The following EFNB2 variants were observed in gnomAD, a reference collection of about 807,000 sequenced individuals.
EFNB2 encodes the protein ephrin B2, also known as ephrin-B2.
In EFNB2, 5 loss-of-function variants were observed where a neutral mutation model predicts 32.1. That is an observed-to-expected ratio of 0.16 (90% CI 0.08 to 0.33). The LOEUF (loss-of-function observed/expected upper bound fraction) is 0.33, where lower values mean the gene tolerates loss of function less well. EFNB2 is among the 10% of genes least tolerant of loss of function. The pLI is 1.00. For synonymous variants in EFNB2, 168 were observed against 166.5 expected (o/e 1.01, Z -0.07); for missense variants, 263 against 422.6 (o/e 0.62, Z 3.31).
chr13:106,519,499 TAA>T (rs1284270539), intron 1 of EFNB2: 1 of 152,214 alleles, frequency 6.6e-6, no homozygotes, highest in Admixed American at 6.5e-5. Flanking sequence ...GCGAGATTCA[TAA>T]GTCAATTCGC....
chr13:106,492,258 CT>C lies in EFNB2; in HGVS notation c.*781del, dbSNP rs560945120. 1,037 of 152,838 alleles carry C rather than the reference CT, an allele frequency of 6.8e-3. 6 individuals are homozygous for C. Among genetic ancestry groups the C allele is most frequent in the Admixed American group, 9.9e-3 (152 of 15,308 alleles). The allele number at this position is 152,838 out of a possible 1,614,324, so 9.5% of individuals were successfully genotyped here. ...TTTTTCTTTTTTCCTTTCCAACTTTCTGTTTCAGAGGCAGCAGCAGTGAGCT... is the reference window on the plus strand; with the variant it reads ...TTTTTCTTTTTTCCTTTCCAACTTTCGTTTCAGAGGCAGCAGCAGTGAGCT... On this transcript the variant is annotated 3_prime_UTR_variant, in exon 5 of 5. Transcript: ENST00000646441. The surrounding 1 kb of genome is among the most constrained non-coding windows in gnomAD (Gnocchi z 5.1).
rs916593612 is a variant in EFNB2, at chr13:106,495,691, C to G, written c.499+57G>C. 5.8e-6 allele frequency: 9 copies of G among 1,549,646 alleles called. No individual in the cohort carries two copies. In the African/African-American group the frequency reaches 1.1e-4, roughly 19 times the overall value. ...GGGCATCGGCAACATTAGCACCATA[C>G]TAGCTGGGGGCTACACCAGGTCACA... is the stretch of plus-strand genomic sequence containing the variant. On this transcript the variant is annotated intron_variant, in intron 3 of 4. Coordinates refer to ENST00000646441, the MANE Select transcript of EFNB2 (RefSeq NM_004093.4).
rs559557928 is a variant in EFNB2 at position 106,492,802 on chromosome 13, G to A, written c.*238C>T. 7.7e-4 allele frequency: 381 copies of A among 494,926 alleles called. 1 individual carries two copies. In the South Asian group the frequency reaches 0.012, roughly 16 times the overall value. The allele number at this position is 494,926 out of a possible 1,614,324, so 30.7% of individuals were successfully genotyped here. On this transcript the variant is annotated 3_prime_UTR_variant, in exon 5 of 5. Transcript: ENST00000646441. This position sits in a 1 kb window ranked among gnomAD's most constrained non-coding sequence, Gnocchi z 5.1. ...GACGTGGGACGCGGCACAGCAGTCCGAATGGGCGTCTTCTGCACAGTCTTC... is the reference window on the plus strand; with the variant it reads ...GACGTGGGACGCGGCACAGCAGTCCAAATGGGCGTCTTCTGCACAGTCTTC...
intron 1 of EFNB2, among the ~76,000 whole-genome samples, chr13:106,533,833 T>G (rs536167146): frequency 5.7e-4 from 87 of 152,242 alleles, no homozygotes; most frequent in African/African-American, 1.8e-3. Context: ...GTTTTGGCTG[T>G]GATTCGAAAT....
At chr13:106,513,568 T>A (rs1879216758) in intron 1 of EFNB2, among the ~76,000 whole-genome samples, 1 of 152,174 alleles carries the variant, frequency 6.6e-6, no homozygotes, top group Non-Finnish European at 1.5e-5. Context: ...TCTTTAGAAC[T>A]AAGACTACTG....
chr13:106,506,888 G>T (rs1471641054), intron 2 of EFNB2, among the ~76,000 whole-genome samples: 2 of 152,176 alleles, frequency 1.3e-5, no homozygotes, highest in Non-Finnish European at 2.9e-5. Flanking sequence ...TAAGTTACTT[G>T]TCAAAGGGCA....
Position 106,493,444 on chromosome 13 carries a change from C to T in EFNB2, c.614-16G>A. ...GTGCTAGAACCTGCAGACGCGGAGA[C>T]AGAAAAGGTCAGAGATAGTTACTGC... On this transcript the variant is annotated splice_polypyrimidine_tract_variant and intron_variant, in intron 4 of 4. Transcript: ENST00000646441. This position sits in a 1 kb window ranked among gnomAD's most constrained non-coding sequence, Gnocchi z 6.1. 1 of 1,594,148 alleles carries T rather than the reference C, an allele frequency of 6.3e-7. No individual in the cohort carries two copies. Among genetic ancestry groups the T allele is most frequent in the Non-Finnish European group, 8.6e-7 (1 of 1,168,528 alleles).
rs1238729943 is a variant in EFNB2, at chr13:106,535,085, T to C, written c.-121A>G. ...AAGACGGCGTGCGCCCGCAGGCAGC[T>C]CCGAGGCGCGCTGCGCAGCTCCAGC... On this transcript the variant is annotated 5_prime_UTR_variant, in exon 1 of 5. Coordinates refer to ENST00000646441, the MANE Select transcript of EFNB2 (RefSeq NM_004093.4). The C allele has an allele frequency of 1.5e-5, 21 of 1,393,326 alleles. No homozygotes were observed. Among genetic ancestry groups the C allele is most frequent in the Admixed American group, 2.3e-5 (1 of 43,618 alleles). The allele number at this position is 1,393,326 out of a possible 1,614,324, so 86.3% of individuals were successfully genotyped here.
chr13:106,535,147 T>G lies in EFNB2; in HGVS notation c.-183A>C. 2.0e-6 allele frequency: 1 copy of G among 496,472 alleles called. No homozygotes were observed. Among genetic ancestry groups the G allele is most frequent in the Non-Finnish European group, 2.8e-6 (1 of 357,310 alleles). The allele number at this position is 496,472 out of a possible 1,614,324, so 30.8% of individuals were successfully genotyped here. On this transcript the variant is annotated 5_prime_UTR_variant, in exon 1 of 5. Transcript: ENST00000646441. The stretch of plus-strand genomic sequence containing the variant: ...CAGGTGCGCTCGCTCTCCGGGGCCC[T>G]CAGGGCGCGGGGCGGGAGCGCACGC...
At chr13:106,514,244 C>G (rs1372779293) in intron 1 of EFNB2, among the ~76,000 whole-genome samples, 3 of 152,014 alleles carry the variant, frequency 2.0e-5, no homozygotes, top group Non-Finnish European at 4.4e-5. Flanking sequence ...AAACAGAACT[C>G]AAAACGAATT....
intron 2 of EFNB2, among the ~76,000 whole-genome samples, chr13:106,511,777 C>T (rs938486950): frequency 1.3e-5 from 2 of 151,794 alleles, no homozygotes; most frequent in African/African-American, 4.8e-5. Flanking sequence ...CACCTGGGGC[C>T]CTGGGAATGA....
intron 2 of EFNB2, chr13:106,506,424 G>T (rs969796794): frequency 3.3e-5 from 5 of 152,100 alleles, no homozygotes; most frequent in Admixed American, 3.3e-4. Flanking sequence ...TGTCTCTTTT[G>T]GGTCTTACAA....
intron 1 of EFNB2, among the ~76,000 whole-genome samples, chr13:106,534,549 T>C (rs1293099941): frequency 6.6e-6 from 1 of 152,202 alleles, no homozygotes; most frequent in East Asian, 1.9e-4. Context: ...GAGGGTCAGG[T>C]ATCGCCATCG....
At chr13:106,516,569 A>C (rs926415710) in intron 1 of EFNB2, 1 of 152,276 alleles carries the variant, frequency 6.6e-6, no homozygotes, top group Non-Finnish European at 1.5e-5. Context: ...ACTGCAGCAC[A>C]TTCAATTATA....
rs1878464634 is a variant in EFNB2 at position 106,493,068 on chromosome 13, C to G, written c.974G>C (p.Ser325Thr). 1 of 1,612,658 alleles carries G rather than the reference C, an allele frequency of 6.2e-7. No homozygotes were observed. The highest frequency in any genetic ancestry group is 1.1e-5 in the South Asian group (1 of 91,062). The change falls in exon 5 of 5, where the codon AGC becomes ACC. Residue 325 changes from serine to threonine, a missense_variant. Ser to Thr is a moderately conservative substitution (Grantham distance 58). Transcript: ENST00000646441. This position sits in a 1 kb window ranked among gnomAD's most constrained non-coding sequence, Gnocchi z 6.1. ...GACCTTGTAGTAAATGTTCGCCGGGCTCTGCGGGGGCATCTCCTGGACGAT... is the reference window on the plus strand; with the variant it reads ...GACCTTGTAGTAAATGTTCGCCGGGGTCTGCGGGGGCATCTCCTGGACGAT... Reference protein sequence around the residue: ...VYIVQEMPPQSPANIYYKV With the variant: ...VYIVQEMPPQTPANIYYKV
intron 1 of EFNB2, among the ~76,000 whole-genome samples, chr13:106,532,826 G>GC (rs919066813): frequency 5.9e-5 from 9 of 151,834 alleles, no homozygotes; most frequent in African/African-American, 1.2e-4. Flanking sequence ...TCAGAATGGG[G>GC]GGGGGGAGTG....
intron 1 of EFNB2, among the ~76,000 whole-genome samples, chr13:106,524,415 A>T (rs1048841936): frequency 2.6e-5 from 4 of 152,224 alleles, no homozygotes; most frequent in African/African-American, 9.6e-5. Context: ...GTTCAATATG[A>T]CTTTGGCTAA....
chr13:106,514,827 A>G (rs1473808463), intron 1 of EFNB2, among the ~76,000 whole-genome samples: 1 of 152,186 alleles, frequency 6.6e-6, no homozygotes, highest in African/African-American at 2.4e-5. Flanking sequence ...GGGGCATCCC[A>G]GGCTTCAGAG....
chr13:106,531,139 G>A (rs1287923430), intron 1 of EFNB2, among the ~76,000 whole-genome samples: 1 of 152,202 alleles, frequency 6.6e-6, no homozygotes, highest in African/African-American at 2.4e-5. Flanking sequence ...TTTAGAACCA[G>A]GTGCTTAGCA....
Sources: gnomAD v4.1 joint callset for allele counts (sites outside exome capture counted in the v4.1 genomes callset) on GRCh38, gnomAD v4.1.1 for gene constraint, Gnocchi (gnomAD v3.1) non-coding constraint, MANE v1.5 for transcripts, NCBI Gene and HGNC (gene_info 2026-07-23, HGNC 2026-07-21) for gene names.